Variants in LCLAT1 observed in about 807,000 individuals in gnomAD.
LCLAT1 encodes the protein 1-AGP acyltransferase 8.
In LCLAT1, 11 loss-of-function variants were observed where a neutral mutation model predicts 30.7. That is an observed-to-expected ratio of 0.36 (90% CI 0.23 to 0.59). The LOEUF is 0.59. LCLAT1 is among the 20% of genes least tolerant of loss of function. The probability of loss-of-function intolerance (pLI) is 0.77; values close to 1 mark genes in which losing one functional copy is unlikely to be tolerated. For synonymous variants in LCLAT1, 155 were observed against 151.3 expected (o/e 1.02, Z -0.18); for missense variants, 402 against 458.6 (o/e 0.88, Z 1.13).
intron 3 of LCLAT1, among the ~76,000 whole-genome samples, chr2:30,561,388 GT>G (rs1188747408): frequency 6.6e-6 from 1 of 152,164 alleles, no homozygotes; most frequent in African/African-American, 2.4e-5. Context: ...TATTTCCTGT[GT>G]TTGTCCATGC....
intron 1 of LCLAT1, chr2:30,476,707 G>A: frequency 3.2e-6 from 1 of 313,588 alleles, no homozygotes; most frequent in South Asian, 2.7e-5. Flanking sequence ...CGCAATAAAT[G>A]TAATGTGCTT....
intron 3 of LCLAT1, among the ~76,000 whole-genome samples, chr2:30,545,548 A>G (rs1454456175): frequency 6.6e-6 from 1 of 152,190 alleles, no homozygotes; most frequent in Non-Finnish European, 1.5e-5. Context: ...GAAATAAATC[A>G]TTAAAAGTAT....
intron 1 of LCLAT1, among the ~76,000 whole-genome samples, chr2:30,520,832 T>A (rs559538121): frequency 6.6e-6 from 1 of 152,346 alleles, no homozygotes; most frequent in East Asian, 1.9e-4. Flanking sequence ...TAAAGTTCAC[T>A]TTTTTAAAAA....
intron 1 of LCLAT1, among the ~76,000 whole-genome samples, chr2:30,488,709 C>T (rs1399579542): frequency 6.6e-6 from 1 of 152,202 alleles, no homozygotes; most frequent in Non-Finnish European, 1.5e-5. Context: ...ACCCCTTTCC[C>T]TAGACACTGA....
intron 1 of LCLAT1, chr2:30,476,548 G>A (rs1410732635): frequency 2.2e-6 from 1 of 455,578 alleles, no homozygotes; most frequent in Admixed American, 2.4e-5. Flanking sequence ...AATGCCTGAT[G>A]ATCTGTCACT....
At chr2:30,552,579 G>T in intron 3 of LCLAT1, 1 of 444,232 alleles carries the variant, frequency 2.3e-6, no homozygotes, top group South Asian at 1.6e-5. Flanking sequence ...TGTCATCAGA[G>T]TTTTTAAAAG....
At chr2:30,455,869 C>T (rs1681808029) in intron 1 of LCLAT1, among the ~76,000 whole-genome samples, 1 of 142,308 alleles carries the variant, frequency 7.0e-6, no homozygotes, top group African/African-American at 2.7e-5. Flanking sequence ...GTGATCATGC[C>T]ACTCAACTCC....
At chr2:30,604,474 ATGAG>A (rs987797703) in intron 5 of LCLAT1, among the ~76,000 whole-genome samples, 34 of 152,238 alleles carry the variant, frequency 2.2e-4, no homozygotes, top group East Asian at 9.7e-4. Context: ...AAATAAATGA[ATGAG>A]TATGTGTTCC....
chr2:30,549,965 A>G (rs528852985), intron 3 of LCLAT1, among the ~76,000 whole-genome samples: 5 of 152,334 alleles, frequency 3.3e-5, no homozygotes, highest in African/African-American at 1.2e-4. Flanking sequence ...ATGTTCTTCC[A>G]CAATGAAAAT....
chr2:30,485,648 GC>G (rs982453692), intron 1 of LCLAT1, among the ~76,000 whole-genome samples: 5 of 151,756 alleles, frequency 3.3e-5, no homozygotes, highest in African/African-American at 1.2e-4. Context: ...AATTTCTCTA[GC>G]AAAAAGAGCA....
At chr2:30,562,316 A>G in intron 4 of LCLAT1, 24 bp downstream of exon 4, 1 of 1,565,924 alleles carries the variant, frequency 6.4e-7, no homozygotes, top group Non-Finnish European at 8.7e-7. Context: ...GGTTTGGCAA[A>G]GTTAGAAATC....
rs931049839 is a variant in LCLAT1 at position 30,572,198 on chromosome 2, C to G, written c.628+4022C>G. On this transcript the variant is annotated intron_variant, in intron 5 of 5. Coordinates refer to ENST00000379509, the MANE Select transcript of LCLAT1 (RefSeq NM_001002257.3). ...CCCACCTCGCCCCCTTTCCCTCCAGCGAAAAATCTGAGCTGCTCATTTAGG... is the reference window on the plus strand; with the variant it reads ...CCCACCTCGCCCCCTTTCCCTCCAGGGAAAAATCTGAGCTGCTCATTTAGG... 2.0e-5 allele frequency among the ~76,000 whole-genome samples: 3 copies of G among 152,198 alleles called. No individual in the cohort carries two copies. In the East Asian group the frequency reaches 5.8e-4, roughly 29 times the overall value.
chr2:30,466,600 G>A (rs1258188064), intron 1 of LCLAT1, among the ~76,000 whole-genome samples: 1 of 152,112 alleles, frequency 6.6e-6, no homozygotes, highest in African/African-American at 2.4e-5. Context: ...GATATGCGAT[G>A]TCTTTATATT....
chr2:30,640,763 T>G lies in LCLAT1; in HGVS notation c.*144T>G, dbSNP rs1338999670. 9.5e-7 allele frequency: 1 copy of G among 1,057,952 alleles called. No individual in the cohort carries two copies. The highest frequency in any genetic ancestry group is 1.6e-5 in the African/African-American group (1 of 62,042). The allele number at this position is 1,057,952 out of a possible 1,614,324, so 65.5% of individuals were successfully genotyped here. A position where few individuals can be genotyped will look rare whatever the true frequency, so the allele number is the denominator to read the frequency against. On this transcript the variant is annotated 3_prime_UTR_variant, in exon 6 of 6. Transcript: ENST00000379509. ...TGTTAAAGATATTTTGCACTTAATTTTGTGGGAAAAATATTGCTACAATTT... is the reference window on the plus strand; with the variant it reads ...TGTTAAAGATATTTTGCACTTAATTGTGTGGGAAAAATATTGCTACAATTT...
chr2:30,571,686 A>G (rs187639543), intron 5 of LCLAT1, among the ~76,000 whole-genome samples: 2 of 152,308 alleles, frequency 1.3e-5, no homozygotes, highest in East Asian at 3.9e-4. Flanking sequence ...AGACAGACAA[A>G]TTACTGAAAT....
intron 5 of LCLAT1, among the ~76,000 whole-genome samples, chr2:30,627,709 A>G (rs186758172): frequency 6.6e-6 from 1 of 152,192 alleles, no homozygotes; most frequent in Admixed American, 6.5e-5. Context: ...CCTTTTAACT[A>G]CAAAGACTGG....
rs543647027 is a variant in LCLAT1 at position 30,500,273 on chromosome 2, A to G, written c.-4-25314A>G. 2.7e-4 allele frequency among the ~76,000 whole-genome samples: 41 copies of G among 152,364 alleles called. No individual in the cohort carries two copies. The South Asian group carries it at 8.5e-3, about 32-fold the overall frequency. On this transcript the variant is annotated intron_variant, in intron 1 of 5. Transcript: ENST00000379509. ...CAAAATAATATTACCTATAATACAT[A>G]CATAAGAAATAGATCTCTTATTTCT... is the stretch of plus-strand genomic sequence containing the variant.
intron 5 of LCLAT1, among the ~76,000 whole-genome samples, chr2:30,601,789 A>G (rs1246082647): frequency 6.6e-6 from 1 of 151,922 alleles, no homozygotes; most frequent in African/African-American, 2.4e-5. Flanking sequence ...GTTCTCCATA[A>G]ATAGTATAAT....
intron 5 of LCLAT1, among the ~76,000 whole-genome samples, chr2:30,587,359 A>T (rs1666491361): frequency 6.6e-6 from 1 of 152,204 alleles, no homozygotes. Flanking sequence ...GGGACGCAAC[A>T]TCTTTCTCAT....
Sources: allele counts gnomAD v4.1 joint callset (sites outside exome capture counted in the v4.1 genomes callset), GRCh38; gene constraint gnomAD v4.1.1; transcripts MANE v1.5; gene names NCBI Gene and HGNC (gene_info 2026-07-23, HGNC 2026-07-21).